TENM3: variants seen among roughly 807,000 people sequenced by gnomAD.
TENM3 encodes the protein teneurin-3.
In TENM3, 63 loss-of-function variants were observed where a neutral mutation model predicts 255.1. The observed-to-expected ratio is 0.25, with a 90% CI of 0.20 to 0.30. The LOEUF is 0.30. Ranked by LOEUF, TENM3 falls within the 10% of genes least tolerant of loss-of-function variation. The probability of loss-of-function intolerance (pLI) is 1.00; values close to 1 mark genes in which losing one functional copy is unlikely to be tolerated. For synonymous variants in TENM3, 1,306 were observed against 1,322.3 expected (o/e 0.99, Z 0.27); for missense variants, 2,929 against 3,461.1 (o/e 0.85, Z 3.86).
At chr4:181,647,907 A>C in the TENM3 span, among the ~76,000 whole-genome samples, 1 of 152,086 alleles carries the variant, frequency 6.6e-6, no homozygotes, top group Non-Finnish European at 1.5e-5. Flanking sequence ...TTTCAGCTTG[A>C]GTCAAACCTT....
the TENM3 span, among the ~76,000 whole-genome samples, chr4:181,803,316 T>C: frequency 6.6e-6 from 1 of 152,370 alleles, no homozygotes; most frequent in Admixed American, 6.5e-5. Context: ...TTTCTGTTCC[T>C]TCCTCACATA....
At chr4:181,461,989 T>C in the TENM3 span, among the ~76,000 whole-genome samples, 1 of 152,212 alleles carries the variant, frequency 6.6e-6, no homozygotes, top group East Asian at 1.9e-4. Flanking sequence ...CGTATTCCTT[T>C]CCAACAAAAG....
the TENM3 span, among the ~76,000 whole-genome samples, chr4:181,706,681 G>A: frequency 6.6e-5 from 10 of 152,258 alleles, no homozygotes; most frequent in South Asian, 2.1e-4. Context: ...AGCTGGTTCC[G>A]CATTGGTTGA....
chr4:181,525,640 C>T, the TENM3 span, among the ~76,000 whole-genome samples: 7 of 152,168 alleles, frequency 4.6e-5, no homozygotes, highest in South Asian at 1.0e-3. Context: ...TACCTTTTCC[C>T]CCTGTGTTTT....
At chr4:181,707,121 C>A in the TENM3 span, among the ~76,000 whole-genome samples, 3 of 152,096 alleles carry the variant, frequency 2.0e-5, no homozygotes, top group Admixed American at 6.5e-5. Context: ...TAGAGCCCAG[C>A]AGAAGGGAGG....
intron 1 of TENM3, among the ~76,000 whole-genome samples, chr4:182,234,901 TA>T (rs1756803053): frequency 6.6e-6 from 1 of 152,092 alleles, no homozygotes; most frequent in African/African-American, 2.4e-5. Context: ...GAAGATGGGA[TA>T]GGGGAGACTC....
chr4:182,494,026 A>G (rs1036433522), intron 3 of TENM3, among the ~76,000 whole-genome samples: 1 of 152,164 alleles, frequency 6.6e-6, no homozygotes, highest in Non-Finnish European at 1.5e-5. Flanking sequence ...TCTTACTGCT[A>G]CTGTTTTTAT....
chr4:182,100,732 T>TAC, the TENM3 span, among the ~76,000 whole-genome samples: 2 of 132,224 alleles, frequency 1.5e-5, no homozygotes, highest in African/African-American at 5.7e-5. Flanking sequence ...CACACATATA[T>TAC]ACACATATAT....
intron 2 of TENM3, among the ~76,000 whole-genome samples, chr4:182,330,142 G>A (rs1043953733): frequency 2.0e-5 from 3 of 152,090 alleles, no homozygotes; most frequent in East Asian, 1.9e-4. Context: ...TTTCCCATGC[G>A]TCACTAGTTC....
chr4:182,536,986 A>T (rs1580863387), intron 3 of TENM3, among the ~76,000 whole-genome samples: 1 of 152,310 alleles, frequency 6.6e-6, no homozygotes, highest in Middle Eastern at 3.4e-3. Flanking sequence ...AGCTGGCAAG[A>T]TATCGATACA....
chr4:181,487,549 G>A, the TENM3 span, among the ~76,000 whole-genome samples: 31 of 152,172 alleles, frequency 2.0e-4, no homozygotes, highest in Non-Finnish European at 4.0e-4. Context: ...CCTTTTTTAC[G>A]AGGGTAATAA....
At chr4:182,635,167 A>T (rs1751742131) in intron 5 of TENM3, among the ~76,000 whole-genome samples, 1 of 152,222 alleles carries the variant, frequency 6.6e-6, no homozygotes, top group African/African-American at 2.4e-5. Flanking sequence ...AAATATTATC[A>T]GACTATATTG....
the TENM3 span, among the ~76,000 whole-genome samples, chr4:181,584,997 C>T: frequency 3.9e-5 from 3 of 76,196 alleles, no homozygotes; most frequent in African/African-American, 1.5e-4. Flanking sequence ...TAAACGTATC[C>T]AGTGGCAAAA....
intron 12 of TENM3, among the ~76,000 whole-genome samples, chr4:182,704,899 T>C (rs1359118057): frequency 1.3e-5 from 2 of 149,380 alleles, no homozygotes; most frequent in African/African-American, 2.5e-5. Flanking sequence ...CTTTCCTAAA[T>C]AGGAAAGAAT....
chr4:182,159,785 G>A (rs1750985204), intron 1 of TENM3, among the ~76,000 whole-genome samples: 1 of 152,162 alleles, frequency 6.6e-6, no homozygotes, highest in South Asian at 2.1e-4. Flanking sequence ...CGACACGATA[G>A]CATTAGCGTA....
rs141582389 is a variant in TENM3, at chr4:182,179,886, A to G, written c.-76+35132A>G. Among the ~76,000 whole-genome samples, 205 of 152,328 alleles carry G rather than the reference A, an allele frequency of 1.3e-3. 1 individual carries two copies. Among genetic ancestry groups the G allele is most frequent in the African/African-American group, 4.9e-3 (202 of 41,566 alleles). ...TAGAATATGTATGTGGCTTAGTCAG[A>G]AAACCCTCACCTTTGTCATTTTTTC... On this transcript the variant is annotated intron_variant, in intron 1 of 2. Transcript: ENST00000512480.
the TENM3 span, among the ~76,000 whole-genome samples, chr4:181,621,290 TG>T: frequency 6.6e-6 from 1 of 152,222 alleles, no homozygotes; most frequent in African/African-American, 2.4e-5. Flanking sequence ...ATTTTCTTCA[TG>T]CCTTACCACA....
the TENM3 span, among the ~76,000 whole-genome samples, chr4:181,553,276 TGTGTGTGTGTGTGTGTGTGTGTA>T: frequency 1.6e-3 from 212 of 130,814 alleles, 1 homozygote; most frequent in African/African-American, 5.5e-3. Context: ...TGTGTGTGTG[TGTGTGTGTGTGTGTGTGTGTGTA>T]GTGTGTGTGT....
intron 1 of TENM3, among the ~76,000 whole-genome samples, chr4:182,308,487 T>C (rs548984640): frequency 2.6e-5 from 4 of 152,074 alleles, no homozygotes; most frequent in Non-Finnish European, 4.4e-5. Context: ...GACTGGCTAA[T>C]TAAAAAACAA....
Sources: gnomAD v4.1 joint callset for allele counts (sites outside exome capture counted in the v4.1 genomes callset) on GRCh38, gnomAD v4.1.1 for gene constraint, MANE v1.5 for transcripts, NCBI Gene and HGNC (gene_info 2026-07-23, HGNC 2026-07-21) for gene names.